Variants in HOXA3 observed in about 807,000 individuals in gnomAD.
The protein encoded by HOXA3 is homeobox A3.
HOXA3 carries 8 observed loss-of-function variants against 30.3 expected under a neutral mutation model. The ratio of observed to expected loss-of-function variants is 0.26; its 90% CI spans 0.15 to 0.48. The LOEUF (loss-of-function observed/expected upper bound fraction) is 0.48. HOXA3 is among the 20% of genes least tolerant of loss of function. HOXA3 has a pLI of 0.99. For missense variants in HOXA3, 653 were observed against 614.4 expected (o/e 1.06, Z -0.66); for synonymous variants, 323 against 273.1 (o/e 1.18, Z -1.80).
chr7:27,120,070 C>T (rs1422644387), intron 4 of HOXA3, among the ~76,000 whole-genome samples: 1 of 152,064 alleles, frequency 6.6e-6, no homozygotes, highest in Admixed American at 6.5e-5. Flanking sequence ...TTACTGCTGC[C>T]TGCCTCATAC....
intron 1 of HOXA3, among the ~76,000 whole-genome samples, chr7:27,144,743 T>C (rs184998827): frequency 2.8e-4 from 42 of 152,324 alleles, no homozygotes; most frequent in Non-Finnish European, 4.4e-4. Flanking sequence ...TCTGTAGTTA[T>C]TTTCCACGGC....
Position 27,144,297 on chromosome 7 carries a change from G to C in HOXA3, c.-493-4111C>G, listed in dbSNP as rs533613003. The stretch of plus-strand genomic sequence containing the variant: ...GGAGAAATAAATCCTGCCCGCAGCA[G>C]CAGCAGCTACAATTACGGCTCTGTT... On this transcript the variant is annotated intron_variant, in intron 1 of 5. Coordinates refer to ENST00000612286, the MANE Select transcript of HOXA3 (RefSeq NM_153631.3). 2.0e-5 allele frequency among the ~76,000 whole-genome samples: 3 copies of C among 152,320 alleles called. No homozygotes were observed. In the East Asian group the frequency reaches 5.8e-4, roughly 29 times the overall value.
At chr7:27,147,456 G>GC (rs1306284597) in intron 1 of HOXA3, 1 of 1,614,204 alleles carries the variant, frequency 6.2e-7, no homozygotes, top group South Asian at 1.1e-5. Context: ...AGTCCCCGGG[G>GC]CCCCTCTGCT....
chr7:27,152,002 C>T (rs1295074961), intron 1 of HOXA3, among the ~76,000 whole-genome samples: 3 of 152,128 alleles, frequency 2.0e-5, no homozygotes, highest in Non-Finnish European at 2.9e-5. Context: ...TGTGCCTTGG[C>T]GCTGTGCCAC....
At chr7:27,130,777 T>C (rs769195778) in intron 2 of HOXA3, 2 of 1,567,404 alleles carry the variant, frequency 1.3e-6, no homozygotes, top group Non-Finnish European at 1.7e-6. Context: ...CGCGTTGTCG[T>C]TTTTTCTGGG....
In HOXA3 at chr7:27,110,617, G is replaced by T; in HGVS notation, c.24C>A (p.Asp8Glu). The T allele has an allele frequency of 6.2e-7, 1 of 1,604,258 alleles. No individual in the cohort carries two copies. The highest frequency in any genetic ancestry group is 8.5e-7 in the Non-Finnish European group (1 of 1,172,652). ...GGTAGCCACCGTAGATCGCCGAGCT[G>T]TCGTAGTAGGTCGCTTTTTGCATCG... MQKATYY[D>E]SSAIYGGYPY... Residue 8 changes from aspartate (D) to glutamate (E), a missense_variant, in exon 5 of 6, where the codon GAC (aspartate) becomes GAA (glutamate). Transcript: ENST00000612286.
At chr7:27,131,017 G>A (rs920746647) in intron 2 of HOXA3, among the ~76,000 whole-genome samples, 4 of 152,130 alleles carry the variant, frequency 2.6e-5, no homozygotes, top group African/African-American at 9.7e-5. Flanking sequence ...ACGCGCGGGT[G>A]CGTGATGGAT....
chr7:27,114,746 C>CACACACACACACAT (rs1784580800), intron 4 of HOXA3, among the ~76,000 whole-genome samples: 1 of 132,738 alleles, frequency 7.5e-6, no homozygotes, highest in Non-Finnish European at 1.6e-5. Context: ...CGACATCATA[C>CACACACACACACAT]ACACACACAC....
intron 2 of HOXA3, among the ~76,000 whole-genome samples, chr7:27,127,683 G>C (rs2128053055): frequency 6.6e-6 from 1 of 152,188 alleles, no homozygotes; most frequent in East Asian, 1.9e-4. Context: ...ACAAATACTA[G>C]GGTTATAGAG....
In HOXA3 at chr7:27,108,464, G is replaced by A; in HGVS notation, c.783C>T (p.Gly261=). 1 of 1,614,032 alleles carries A rather than the reference G, an allele frequency of 6.2e-7. No individual in the cohort carries two copies. Among genetic ancestry groups the A allele is most frequent in the East Asian group, 2.2e-5 (1 of 44,868 alleles). Residue 261 remains glycine, a synonymous_variant, in exon 6 of 6, where the codon GGC becomes GGT. Transcript: ENST00000612286. The surrounding 1 kb of genome is among the most constrained non-coding windows in gnomAD (Gnocchi z 5.0). ...KGKGMLTSSG[G]QSPSRSPVPP... Reference sequence around the variant, plus strand: ...GCACGGGGCTGCGACTTGGAGACTGGCCCCCCGATGACGTTAGCATGCCCT... The same window carrying A: ...GCACGGGGCTGCGACTTGGAGACTGACCCCCCGATGACGTTAGCATGCCCT...
At chr7:27,114,183 T>TC in intron 4 of HOXA3, among the ~76,000 whole-genome samples, 1 of 149,754 alleles carries the variant, frequency 6.7e-6, no homozygotes, top group African/African-American at 2.5e-5. Flanking sequence ...GAGGGCAGCC[T>TC]CCCCCCACCC....
Position 27,126,990 on chromosome 7 carries a change from TCCTTG to T in HOXA3, c.-314_-310del, listed in dbSNP as rs1785312305. On this transcript the variant is annotated 5_prime_UTR_variant, in exon 3 of 6. It introduces an in-frame stop codon into an upstream open reading frame of the 5' UTR. Transcript: ENST00000612286. ...TTTAGCAGACAGCCAAGATGCTGTG[TCCTTG>T]CCTGAGACCACATTATTTGCAAGAA... 6.6e-6 allele frequency: 1 copy of T among 152,040 alleles called. No homozygotes were observed. Among genetic ancestry groups the T allele is most frequent in the African/African-American group, 2.4e-5 (1 of 41,392 alleles). The allele number at this position is 152,040 out of a possible 1,614,324, so 9.4% of individuals were successfully genotyped here. A position where few individuals can be genotyped will look rare whatever the true frequency, so the allele number is the denominator to read the frequency against.
chr7:27,108,937 GA>G lies in HOXA3; in HGVS notation c.527-218del, dbSNP rs1784201699. 6.6e-6 allele frequency among the ~76,000 whole-genome samples: 1 copy of G among 152,098 alleles called. No individual in the cohort carries two copies. The highest frequency in any genetic ancestry group is 2.4e-5 in the African/African-American group (1 of 41,414). On this transcript the variant is annotated intron_variant, in intron 5 of 5. Transcript: ENST00000612286. The surrounding 1 kb of genome is among the most constrained non-coding windows in gnomAD (Gnocchi z 5.0). Reference sequence around the variant, plus strand: ...GGAGCAAATCACAGCCTTCTCGGGGGAAAGGACAGAGAAGTAGAACCCCCGG... The same window carrying G: ...GGAGCAAATCACAGCCTTCTCGGGGGAAGGACAGAGAAGTAGAACCCCCGG...
chr7:27,110,235 T>C lies in HOXA3; in HGVS notation c.406A>G (p.Thr136Ala), dbSNP rs1784282016. The change falls in exon 5 of 6, where the codon ACC (threonine) becomes GCC (alanine). Residue 136 changes from threonine to alanine, a missense_variant. By Grantham distance (58) the Thr-to-Ala change is moderately conservative. This residue lies in a region of HOXA3 where 320 missense variants were observed against 321.9 expected (regional missense o/e 0.99). Transcript: ENST00000612286. ...SPPQNASNNP[T>A]PANAAKSPLL... ...GGGCTCTTGGCCGCGTTGGCAGGGGTAGGGTTGTTGCTGGCATTCTGAGGA... is the reference window on the plus strand; with the variant it reads ...GGGCTCTTGGCCGCGTTGGCAGGGGCAGGGTTGTTGCTGGCATTCTGAGGA... 6.2e-7 allele frequency: 1 copy of C among 1,611,328 alleles called. No individual in the cohort carries two copies. The highest frequency in any genetic ancestry group is 2.2e-5 in the East Asian group (1 of 44,728).
At chr7:27,151,479 G>C (rs1393745015) in intron 1 of HOXA3, 1 of 412,244 alleles carries the variant, frequency 2.4e-6, no homozygotes, top group Non-Finnish European at 5.0e-6. Flanking sequence ...CCTTAGCTGC[G>C]GGACCCTGCC....
At chr7:27,143,483 G>A in intron 1 of HOXA3, 1 of 1,613,890 alleles carries the variant, frequency 6.2e-7, no homozygotes, top group Non-Finnish European at 8.5e-7. Flanking sequence ...GTACCTGCCG[G>A]AGTGCATGCT....
chr7:27,145,457 GTTTTGT>G, intron 1 of HOXA3: 1 of 214,202 alleles, frequency 4.7e-6, no homozygotes, highest in Non-Finnish European at 7.5e-6. Context: ...GTTTTGTTTT[GTTTTGT>G]TTTGTTTTGT....
chr7:27,149,601 G>A (rs1269052870), intron 1 of HOXA3, among the ~76,000 whole-genome samples: 1 of 152,266 alleles, frequency 6.6e-6, no homozygotes, highest in Admixed American at 6.5e-5. Context: ...GAAGCCGGAT[G>A]CCTGTTCCCC....
At chr7:27,141,113 C>CAAAAAAAAAAAAAAAA (rs147485948) in intron 1 of HOXA3, 7 of 82,918 alleles carry the variant, frequency 8.4e-5, no homozygotes, top group African/African-American at 9.8e-5. Flanking sequence ...AAAACAAATA[C>CAAAAAAAAAAAAAAAA]AAAAAAAAAA....
Sources: allele counts gnomAD v4.1 joint callset (sites outside exome capture counted in the v4.1 genomes callset), GRCh38; gene constraint gnomAD v4.1.1; regional missense constraint gnomAD v4.1.1; non-coding constraint Gnocchi (gnomAD v3.1); transcripts MANE v1.5; gene names NCBI Gene and HGNC (gene_info 2026-07-23, HGNC 2026-07-21).